MOB4: variants seen among roughly 807,000 people sequenced by gnomAD.
MOB4 encodes the protein MOB-like protein phocein.
A neutral mutation model predicts 32.2 loss-of-function variants in MOB4; 4 were observed. The observed-to-expected ratio is 0.12, with a 90% CI of 0.06 to 0.28. The LOEUF (loss-of-function observed/expected upper bound fraction) is 0.28, where lower values mean the gene tolerates loss of function less well. MOB4 is among the 10% of genes least tolerant of loss of function. The pLI is 1.00. For synonymous variants in MOB4, 88 were observed against 88.1 expected (o/e 1.00, Z 0.01); for missense variants, 158 against 271.2 (o/e 0.58, Z 2.93).
At position 197,522,479 on chromosome 2, in the gene MOB4, C is replaced by T. The variant is rs189598213; in HGVS notation, c.61-1145C>T. 4.4e-3 allele frequency among the ~76,000 whole-genome samples: 659 copies of T among 151,438 alleles called. 4 individuals carry two copies. The highest frequency in any genetic ancestry group is 0.013 in the African/African-American group (541 of 41,334). The stretch of plus-strand genomic sequence containing the variant: ...CTGAGTAGCTGGGATTACAGGCGCA[C>T]GCCACCATGCCCGGCTATTTTTTGT... On this transcript the variant is annotated intron_variant, in intron 1 of 7. Transcript: ENST00000323303.
chr2:197,524,959 C>A (rs1574628973), intron 2 of MOB4, among the ~76,000 whole-genome samples: 2 of 152,202 alleles, frequency 1.3e-5, no homozygotes, highest in Admixed American at 1.3e-4. Flanking sequence ...GATGGGGTTT[C>A]ACCATGTTGC....
At position 197,550,719 on chromosome 2, in the gene MOB4, A is replaced by C; in HGVS notation, c.*73A>C. The C allele has an allele frequency of 2.8e-6, 4 of 1,453,910 alleles. No individual in the cohort carries two copies. The highest frequency in any genetic ancestry group is 3.6e-6 in the Non-Finnish European group (4 of 1,103,738). The allele number at this position is 1,453,910 out of a possible 1,614,324, so 90.1% of individuals were successfully genotyped here. On this transcript the variant is annotated 3_prime_UTR_variant, in exon 8 of 8. Transcript: ENST00000323303. Reference sequence around the variant, plus strand: ...CTGTATATATCATTTTAGACACATCAATCATGTATCCATATTATAGCTTCT... The same window carrying C: ...CTGTATATATCATTTTAGACACATCCATCATGTATCCATATTATAGCTTCT...
At chr2:197,535,066 T>C (rs934172043) in intron 2 of MOB4, among the ~76,000 whole-genome samples, 7 of 151,996 alleles carry the variant, frequency 4.6e-5, no homozygotes, top group African/African-American at 1.7e-4. Flanking sequence ...CTACAAAATA[T>C]GGAAAAGTTA....
At chr2:197,539,160 C>T (rs2086853281) in intron 3 of MOB4, among the ~76,000 whole-genome samples, 1 of 151,938 alleles carries the variant, frequency 6.6e-6, no homozygotes, top group Admixed American at 6.6e-5. Flanking sequence ...ATTGATTTAT[C>T]TAACCTGATA....
chr2:197,519,624 T>G (rs1222821327), intron 1 of MOB4, among the ~76,000 whole-genome samples: 2 of 152,220 alleles, frequency 1.3e-5, no homozygotes, highest in Non-Finnish European at 2.9e-5. Context: ...TAGACCTAAC[T>G]AGGTACATAG....
intron 2 of MOB4, 85 bp from the exon 3 acceptor site, chr2:197,535,445 T>TA: frequency 7.8e-7 from 1 of 1,282,832 alleles, no homozygotes; most frequent in Non-Finnish European, 1.1e-6. Context: ...CAAGAGCAGT[T>TA]ATGTATTAAC....
At chr2:197,547,332 T>C (rs962520599) in intron 5 of MOB4, among the ~76,000 whole-genome samples, 4 of 152,196 alleles carry the variant, frequency 2.6e-5, no homozygotes, top group African/African-American at 9.7e-5. Flanking sequence ...TAAAACTGTC[T>C]CATGGTATAC....
At chr2:197,540,970 C>T (rs1197234509) in intron 5 of MOB4, among the ~76,000 whole-genome samples, 4 of 151,172 alleles carry the variant, frequency 2.6e-5, no homozygotes, top group East Asian at 1.9e-4. Context: ...GGTATGATCT[C>T]GGTTCGCTGC....
intron 6 of MOB4, 107 bp from the exon 7 acceptor site, chr2:197,550,168 A>AT (rs1206183436): frequency 1.9e-6 from 2 of 1,029,250 alleles, no homozygotes; most frequent in Admixed American, 6.3e-5. Context: ...GTAGTCGCTT[A>AT]TTTTCCCTAG....
chr2:197,537,964 G>A (rs1167131299), intron 3 of MOB4, among the ~76,000 whole-genome samples: 3 of 152,112 alleles, frequency 2.0e-5, no homozygotes, highest in African/African-American at 7.2e-5. Context: ...ATTTTTAGTA[G>A]AGATGGGGTT....
intron 1 of MOB4, among the ~76,000 whole-genome samples, chr2:197,520,622 A>T (rs1443015686): frequency 6.6e-6 from 1 of 152,160 alleles, no homozygotes; most frequent in African/African-American, 2.4e-5. Flanking sequence ...TGTGTCAGGC[A>T]TTGTGCTACC....
At chr2:197,546,419 C>T (rs188775842) in intron 5 of MOB4, among the ~76,000 whole-genome samples, 199 of 151,878 alleles carry the variant, frequency 1.3e-3, no homozygotes, top group African/African-American at 4.1e-3. Flanking sequence ...TTTTTTGAGA[C>T]GAAATCTTAC....
chr2:197,522,752 C>T (rs2086544339), intron 1 of MOB4, among the ~76,000 whole-genome samples: 1 of 151,980 alleles, frequency 6.6e-6, no homozygotes, highest in Admixed American at 6.6e-5. Context: ...CATGGTGGCT[C>T]ACGCCTGTAA....
At chr2:197,529,538 G>T (rs2086664871) in intron 2 of MOB4, among the ~76,000 whole-genome samples, 1 of 151,954 alleles carries the variant, frequency 6.6e-6, no homozygotes, top group East Asian at 1.9e-4. Flanking sequence ...TTTTAGTAGA[G>T]ACTGGGTTTT....
intron 3 of MOB4, among the ~76,000 whole-genome samples, chr2:197,538,030 G>T (rs2086832766): frequency 6.6e-6 from 1 of 151,958 alleles, no homozygotes; most frequent in African/African-American, 2.4e-5. Context: ...TGCCCACCTT[G>T]GCCTCCCAAA....
chr2:197,541,386 G>C (rs950786175), intron 5 of MOB4, among the ~76,000 whole-genome samples: 1 of 152,084 alleles, frequency 6.6e-6, no homozygotes, highest in African/African-American at 2.4e-5. Context: ...GGGGATATTG[G>C]GTTAGGCCAA....
intron 1 of MOB4, among the ~76,000 whole-genome samples, chr2:197,522,480 G>A (rs551083468): frequency 3.1e-4 from 47 of 151,342 alleles, no homozygotes; most frequent in Non-Finnish European, 5.5e-4. Flanking sequence ...ACAGGCGCAC[G>A]CCACCATGCC....
At chr2:197,523,758 T>G in intron 2 of MOB4, 72 bp downstream of exon 2, 4 of 1,438,988 alleles carry the variant, frequency 2.8e-6, no homozygotes, top group Non-Finnish European at 3.8e-6. Context: ...GGGTGGCCTT[T>G]GTCTGTTGGT....
At chr2:197,545,370 A>G (rs2086975851) in intron 5 of MOB4, among the ~76,000 whole-genome samples, 1 of 152,216 alleles carries the variant, frequency 6.6e-6, no homozygotes, top group African/African-American at 2.4e-5. Flanking sequence ...TAAATGCTAT[A>G]TAAATAGTTG....
Sources: gnomAD v4.1 joint callset for allele counts (sites outside exome capture counted in the v4.1 genomes callset) on GRCh38, gnomAD v4.1.1 for gene constraint, MANE v1.5 for transcripts, NCBI Gene and HGNC (gene_info 2026-07-23, HGNC 2026-07-21) for gene names.